Variants in TRIM66 observed in about 807,000 individuals in gnomAD.
TRIM66 encodes tripartite motif-containing protein 66.
A neutral mutation model predicts 148.2 loss-of-function variants in TRIM66; 99 were observed. The ratio of observed to expected loss-of-function variants is 0.67; its 90% CI spans 0.57 to 0.79. The LOEUF (loss-of-function observed/expected upper bound fraction) is 0.79. TRIM66 is among the 30% of genes least tolerant of loss of function. The probability of loss-of-function intolerance (pLI) is 0.00; values close to 1 mark genes in which losing one functional copy is unlikely to be tolerated. For missense variants in TRIM66, 1,666 were observed against 1,697.9 expected (o/e 0.98, Z 0.33); for synonymous variants, 616 against 635.9 (o/e 0.97, Z 0.47).
chr11:8,622,724 G>A lies in TRIM66; in HGVS notation c.3080+92C>T. 3.3e-6 allele frequency: 4 copies of A among 1,203,226 alleles called. No individual in the cohort carries two copies. The East Asian group carries it at 7.6e-5, about 23-fold the overall frequency. 74.5% of individuals were successfully genotyped at this position (1,203,226 alleles called of 1,614,324 possible). ...AGTTGCAGGCAAATTTCTTCCACTT[G>A]TAGTTAATTCATCAAGGATGCTTCA... On this transcript the variant is annotated intron_variant, in intron 18 of 24. Transcript: ENST00000646038.
chr11:8,640,492 G>A lies in TRIM66; in HGVS notation c.1883C>T (p.Pro628Leu), dbSNP rs200180407. The A allele has an allele frequency of 1.6e-3, 2,439 of 1,541,842 alleles. 15 individuals are homozygous for A. The Middle Eastern group carries it at 0.025, about 16-fold the overall frequency. Residue 628 changes from proline (P) to leucine (L), a missense_variant, in exon 14 of 25, where the codon CCT becomes CTT. Physicochemically the swap from Pro to Leu is moderately conservative, Grantham distance 98 (BLOSUM62 -3). Coordinates refer to ENST00000646038, the MANE Select transcript of TRIM66 (RefSeq NM_001388022.1). Reference protein sequence around the residue: ...PPPQQPHPPLPPSQHLASSQH... With the variant: ...PPPQQPHPPLLPSQHLASSQH... ...ACTAGAAGCCAGATGCTGGGATGGA[G>A]GAAGAGGTGGGTGTGGCTGCTGTGG... is the stretch of plus-strand genomic sequence containing the variant.
chr11:8,644,494 C>A lies in TRIM66; in HGVS notation c.1104+1247G>T, dbSNP rs372305497. 399 of 443,384 alleles carry A rather than the reference C, an allele frequency of 9.0e-4. 4 individuals are homozygous for A. The highest frequency in any genetic ancestry group is 5.7e-3 in the South Asian group (352 of 61,628). The allele number at this position is 443,384 out of a possible 1,614,324, so 27.5% of individuals were successfully genotyped here. ...TTACCCCAACTTGTATCCCTTCTAC[C>A]CTCAAACTTAACTACAGCATTGTCC... On this transcript the variant is annotated intron_variant, in intron 12 of 24. Transcript: ENST00000646038.
chr11:8,649,802 T>C lies in TRIM66; in HGVS notation c.530A>G (p.Glu177Gly), dbSNP rs2037195589. Residue 177 changes from glutamate (E) to glycine (G), a missense_variant, in exon 8 of 25, where the codon GAA becomes GGA. This residue lies in a region of TRIM66 where 1,431 missense variants were observed against 1,412.4 expected (regional missense o/e 1.01). Coordinates refer to ENST00000646038, the MANE Select transcript of TRIM66 (RefSeq NM_001388022.1). ...CCCGGGGACAGGGCTGTGTCGGTGT[T>C]CCTCTGTGCAAGAGCTGCACAGCCA... ...NRWLCSSCTE[E>G]HRHSPVPGGP... 2 of 1,551,660 alleles carry C rather than the reference T, an allele frequency of 1.3e-6. No individual in the cohort carries two copies. The highest frequency in any genetic ancestry group is 1.7e-6 in the Non-Finnish European group (2 of 1,147,004).
intron 8 of TRIM66, among the ~76,000 whole-genome samples, chr11:8,648,890 GT>G (rs1488896833): frequency 2.6e-5 from 4 of 152,238 alleles, no homozygotes; most frequent in Admixed American, 2.6e-4. Flanking sequence ...TCAGGATTCT[GT>G]TTTTAATGGA....
intron 6 of TRIM66, among the ~76,000 whole-genome samples, chr11:8,664,246 A>C (rs573721227): frequency 8.5e-5 from 13 of 152,342 alleles, no homozygotes; most frequent in African/African-American, 2.9e-4. Flanking sequence ...CTGTAAATAC[A>C]TACAGTTTTA....
chr11:8,627,953 A>G (rs754630523), intron 15 of TRIM66, among the ~76,000 whole-genome samples: 1 of 152,184 alleles, frequency 6.6e-6, no homozygotes, highest in Non-Finnish European at 1.5e-5. Flanking sequence ...CTCAGCCGCC[A>G]GAGTAGCTGG....
intron 3 of TRIM66, 52 bp from the exon 4 acceptor site, chr11:8,674,935 C>T (rs2039107115): frequency 6.6e-6 from 1 of 152,164 alleles, no homozygotes. Context: ...TGTGGATATT[C>T]TTTGATACCA....
In TRIM66 at chr11:8,625,073, G is replaced by A. The variant is rs2141889645; in HGVS notation, c.2466C>T (p.Pro822=). ...PQAVPSLLSA[P]PKMVSSLTSV... is the part of the protein sequence containing the mutation. The stretch of plus-strand genomic sequence containing the variant: ...TTGTCAGGCTGGACACCATTTTGGG[G>A]GGAGCACTCAGCAGGCTTGGTACTG... Residue 822 remains proline, a synonymous_variant, in exon 16 of 25, where the codon CCC becomes CCT. Coordinates refer to ENST00000646038, the MANE Select transcript of TRIM66 (RefSeq NM_001388022.1). 1.3e-6 allele frequency: 2 copies of A among 1,551,754 alleles called. No individual in the cohort carries two copies. Among genetic ancestry groups the A allele is most frequent in the East Asian group, 2.4e-5 (1 of 40,916 alleles).
chr11:8,678,382 T>C (rs535954528), intron 3 of TRIM66, among the ~76,000 whole-genome samples: 2 of 152,282 alleles, frequency 1.3e-5, no homozygotes, highest in Admixed American at 6.5e-5. Context: ...AAAACTGCCA[T>C]GGTATTAAAT....
chr11:8,621,704 C>T lies in TRIM66; in HGVS notation c.3196G>A (p.Asp1066Asn). ...FKLKPQKNDQ[D>N]GSFLLIIECG... ...TCGATGATCAGCAGGAAGCTCCCAT[C>T]CTGATCATTCTTCTGTGGCTTCAGT... Residue 1066 changes from aspartate (D) to asparagine (N), a missense_variant, in exon 19 of 25, where the codon GAT becomes AAT. By Grantham distance (23) the Asp-to-Asn change is conservative. This residue lies in a region of TRIM66 where 1,431 missense variants were observed against 1,412.4 expected (regional missense o/e 1.01). Coordinates refer to ENST00000646038, the MANE Select transcript of TRIM66 (RefSeq NM_001388022.1). The T allele has an allele frequency of 3.2e-6, 5 of 1,551,736 alleles. No homozygotes were observed. Among genetic ancestry groups the T allele is most frequent in the Non-Finnish European group, 4.4e-6 (5 of 1,146,986 alleles).
chr11:8,643,999 G>C (rs2036630966), intron 12 of TRIM66, among the ~76,000 whole-genome samples: 1 of 152,096 alleles, frequency 6.6e-6, no homozygotes, highest in African/African-American at 2.4e-5. Flanking sequence ...CAACCACCTT[G>C]TTTTCAGTTT....
At position 8,646,524 on chromosome 11, in the gene TRIM66, TTTCCACC is replaced by T. The variant is rs1386300685; in HGVS notation, c.873_879del (p.Val292ThrfsTer10). ...ACCATCTTGGCCATTTTGATCTGGT[TTTCCACC>T]TTCCTATGCTGATGCTTCACTTCAA... On this transcript the variant is annotated frameshift_variant, in exon 11 of 25. Transcript: ENST00000646038. LOFTEE classifies it high-confidence loss of function. 9 of 1,552,022 alleles carry T rather than the reference TTTCCACC, an allele frequency of 5.8e-6. No individual in the cohort carries two copies. The highest frequency in any genetic ancestry group is 7.8e-6 in the Non-Finnish European group (9 of 1,147,068).
intron 17 of TRIM66, among the ~76,000 whole-genome samples, chr11:8,623,693 A>G (rs1431458179): frequency 6.6e-6 from 1 of 152,206 alleles, no homozygotes; most frequent in Non-Finnish European, 1.5e-5. Context: ...CACCTTCCAC[A>G]GAAGAACAAA....
At position 8,640,800 on chromosome 11, in the gene TRIM66, T is replaced by C. The variant is rs2133088371; in HGVS notation, c.1575A>G (p.Pro525=). ...TTTCCAGCCAGGGCTGCAGCAGCTT[T>C]GGTGGATGAGGGCTGCAGGCCAGCT... is the stretch of plus-strand genomic sequence containing the variant. The part of the protein sequence containing the change: ...EKELACSPHP[P]KLLQPWLETQ... The change falls in exon 14 of 25, where the codon CCA becomes CCG. Residue 525 remains proline (P), a synonymous_variant. Transcript: ENST00000646038. The C allele has an allele frequency of 6.4e-7, 1 of 1,550,922 alleles. No homozygotes were observed. Among genetic ancestry groups the C allele is most frequent in the Non-Finnish European group, 8.7e-7 (1 of 1,146,982 alleles).
chr11:8,621,808 C>T lies in TRIM66; in HGVS notation c.3092G>A (p.Ser1031Asn). 6.5e-7 allele frequency: 1 copy of T among 1,544,388 alleles called. No homozygotes were observed. Residue 1031 changes from serine (S) to asparagine (N), a missense_variant, in exon 19 of 25, where the codon AGT becomes AAT. Coordinates refer to ENST00000646038, the MANE Select transcript of TRIM66 (RefSeq NM_001388022.1). ...TCGCACATAGGGAATCTTATGCTCA[C>T]TATTGAAGGCTCTGCAGCAAGACAG... is the stretch of plus-strand genomic sequence containing the variant. ...KENQSIRAFN[S>N]EHKIPYVRLE... is the part of the protein sequence containing the mutation.
Position 8,645,853 on chromosome 11 carries a change from T to C in TRIM66, c.992A>G (p.Gln331Arg). Residue 331 changes from glutamine to arginine, a missense_variant, in exon 12 of 25, where the codon CAG (glutamine) becomes CGG (arginine). Gln to Arg is a conservative substitution (Grantham distance 43). Around this residue, in one of 3 missense-constraint regions of TRIM66, gnomAD observed 1,431 missense variants for 1,412.4 expected, o/e 1.01. Transcript: ENST00000646038. ...GAGAACCATGATGCTCTGTAACTGC[T>C]GTTCCAGCTTCCGCTTTCTCTCATT... The part of the protein sequence containing the change: ...ITNERKRKLE[Q>R]QLQSIMVLNR... 1 of 1,551,736 alleles carries C rather than the reference T, an allele frequency of 6.4e-7. No individual in the cohort carries two copies. The highest frequency in any genetic ancestry group is 1.7e-4 in the Middle Eastern group (1 of 5,992).
At chr11:8,682,666 G>A (rs766208091), upstream of TRIM66, 14 of 872,790 alleles carry the variant, frequency 1.6e-5, no homozygotes, top group African/African-American at 2.0e-4. Flanking sequence ...AAGAGGAAGC[G>A]ACTAGCAGGC....
intron 6 of TRIM66, among the ~76,000 whole-genome samples, chr11:8,665,744 T>G (rs532651201): frequency 2.3e-3 from 344 of 150,312 alleles, no homozygotes; most frequent in African/African-American, 8.0e-3. Context: ...GATCAGGAGA[T>G]CGAGACCATC....
In TRIM66 at chr11:8,673,248, T is replaced by C. The variant is rs569050764; in HGVS notation, c.-111-863A>G. ...CGGCCCACACTCTTAATTAGTGAAATGTTCTTAAGCTGAGGTCCACACACA... is the reference window on the plus strand; with the variant it reads ...CGGCCCACACTCTTAATTAGTGAAACGTTCTTAAGCTGAGGTCCACACACA... On this transcript the variant is annotated intron_variant, in intron 4 of 24. Transcript: ENST00000646038. Among the ~76,000 whole-genome samples the C allele has an allele frequency of 2.0e-5, 3 of 152,034 alleles. No individual in the cohort carries two copies. In the South Asian group the frequency reaches 6.3e-4, roughly 32 times the overall value.
Sources: allele counts gnomAD v4.1 joint callset (sites outside exome capture counted in the v4.1 genomes callset), GRCh38; gene constraint gnomAD v4.1.1; regional missense constraint gnomAD v4.1.1; transcripts MANE v1.5; gene names NCBI Gene and HGNC (gene_info 2026-07-23, HGNC 2026-07-21).